ACBD6: variants seen among roughly 807,000 people sequenced by gnomAD.
ACBD6 encodes acyl-CoA binding domain containing 6.
Under a neutral mutation model 37.2 loss-of-function variants are expected in ACBD6, and 28 were observed. The ratio of observed to expected loss-of-function variants is 0.75; its 90% CI spans 0.56 to 1.03. The LOEUF (loss-of-function observed/expected upper bound fraction) is 1.03. ACBD6 is among the 50% of genes least tolerant of loss of function. ACBD6 has a pLI of 0.00. For missense variants in ACBD6, 340 were observed against 337.4 expected, an observed-to-expected ratio of 1.01 and a Z score of -0.06; for synonymous variants, 113 against 126.8, an observed-to-expected ratio of 0.89 and a Z score of 0.73.
intron 1 of ACBD6, 140 bp downstream of exon 1, chr1:180,501,905 C>CAAAAAAAAA (rs5779061): frequency 4.9e-6 from 3 of 612,166 alleles, no homozygotes; most frequent in Non-Finnish European, 8.4e-6. Context: ...AGCAGATGGT[C>CAAAAAAAAA]AAAAAAAAAA....
chr1:180,488,289 A>G (rs1057160945), intron 3 of ACBD6, among the ~76,000 whole-genome samples: 3 of 152,186 alleles, frequency 2.0e-5, no homozygotes, highest in African/African-American at 7.2e-5. Flanking sequence ...TAATTGCCTT[A>G]ATTATAGTAG....
At chr1:180,476,962 G>A (rs987901759) in intron 3 of ACBD6, among the ~76,000 whole-genome samples, 1 of 152,104 alleles carries the variant, frequency 6.6e-6, no homozygotes, top group Non-Finnish European at 1.5e-5. Context: ...CCCCTCTGAA[G>A]CTAACCAAAA....
At chr1:180,321,748 C>T (rs547899833) in intron 6 of ACBD6, among the ~76,000 whole-genome samples, 1 of 152,198 alleles carries the variant, frequency 6.6e-6, no homozygotes, top group African/African-American at 2.4e-5. Flanking sequence ...TTTATCAGTT[C>T]TAATTGTTTT....
rs546953102 is a variant in ACBD6 at position 180,337,454 on chromosome 1, C to T, written c.664-22732G>A. Among the ~76,000 whole-genome samples the T allele has an allele frequency of 6.4e-3, 978 of 152,198 alleles. 8 individuals are homozygous for T. Among genetic ancestry groups the T allele is most frequent in the African/African-American group, 0.019 (790 of 41,510 alleles). ...AAAGGCCTTTGACAAAATTCAACAA[C>T]GCTTCATGCTAAAAACTCTCAATAA... is the stretch of plus-strand genomic sequence containing the variant. On this transcript the variant is annotated intron_variant, in intron 6 of 7. Coordinates refer to ENST00000367595, the MANE Select transcript of ACBD6 (RefSeq NM_032360.4).
At chr1:180,314,849 G>A (rs1017277909) in intron 6 of ACBD6, 127 bp from the exon 7 acceptor site, 2 of 707,882 alleles carry the variant, frequency 2.8e-6, no homozygotes, top group Admixed American at 2.3e-5. Context: ...AGGAAAAGAA[G>A]TCAGTTAACT....
chr1:180,324,266 GTTAT>G (rs1470576188), intron 6 of ACBD6, among the ~76,000 whole-genome samples: 1 of 151,948 alleles, frequency 6.6e-6, no homozygotes, highest in Non-Finnish European at 1.5e-5. Context: ...CTGCCATTCT[GTTAT>G]TTGTTTTCTG....
chr1:180,284,253 TGAA>T (rs1649400594), downstream of ACBD6, among the ~76,000 whole-genome samples: 12 of 152,138 alleles, frequency 7.9e-5, no homozygotes, highest in Admixed American at 7.2e-4. Context: ...ATCTCTCTGG[TGAA>T]GAAATTGTGA....
chr1:180,285,281 G>A (rs1184012896), downstream of ACBD6, among the ~76,000 whole-genome samples: 1 of 152,124 alleles, frequency 6.6e-6, no homozygotes, highest in Non-Finnish European at 1.5e-5. Context: ...GTTTATAAAA[G>A]CCATCCAATT....
chr1:180,271,773 C>T, exon 14 of ACBD6: 1 of 1,585,024 alleles, frequency 6.3e-7, no homozygotes, highest in South Asian at 1.1e-5. Flanking sequence ...CCTAGGGGGT[C>T]CTGGGGGCTT....
At chr1:180,437,054 T>C (rs1649067416) in intron 3 of ACBD6, among the ~76,000 whole-genome samples, 1 of 152,228 alleles carries the variant, frequency 6.6e-6, no homozygotes, top group Non-Finnish European at 1.5e-5. Context: ...CTCAAGACCT[T>C]CTGAGGCTGT....
chr1:180,378,339 T>G (rs1176626046), intron 6 of ACBD6, among the ~76,000 whole-genome samples: 2 of 152,144 alleles, frequency 1.3e-5, no homozygotes, highest in Admixed American at 1.3e-4. Flanking sequence ...ACTAAGGAAC[T>G]GAATAACTAA....
intron 6 of ACBD6, among the ~76,000 whole-genome samples, chr1:180,366,807 T>C (rs1180254856): frequency 6.6e-6 from 1 of 152,190 alleles, no homozygotes; most frequent in Non-Finnish European, 1.5e-5. Flanking sequence ...ATAGAAGATA[T>C]GAGGAACTTA....
At chr1:180,473,219 G>A (rs1007202523) in intron 3 of ACBD6, among the ~76,000 whole-genome samples, 8 of 152,126 alleles carry the variant, frequency 5.3e-5, no homozygotes, top group East Asian at 3.9e-4. Context: ...AGGCCGAGGC[G>A]GGCGGATCAC....
At chr1:180,456,226 A>G (rs1571535242) in intron 3 of ACBD6, among the ~76,000 whole-genome samples, 1 of 152,002 alleles carries the variant, frequency 6.6e-6, no homozygotes, top group Non-Finnish European at 1.5e-5. Context: ...AAAAAAAAAA[A>G]AAGTGACTTA....
At chr1:180,363,719 C>T (rs548771299) in intron 6 of ACBD6, among the ~76,000 whole-genome samples, 14 of 149,494 alleles carry the variant, frequency 9.4e-5, no homozygotes, top group East Asian at 5.8e-4. Context: ...GGAGCAGGAG[C>T]GGGAGCATGC....
chr1:180,479,043 A>C (rs1175155215), intron 3 of ACBD6, among the ~76,000 whole-genome samples: 4 of 152,150 alleles, frequency 2.6e-5, no homozygotes, highest in African/African-American at 9.7e-5. Flanking sequence ...CAAGGTGGGA[A>C]GATCACTTGA....
chr1:180,481,317 A>G (rs1297010394), intron 3 of ACBD6, among the ~76,000 whole-genome samples: 1 of 152,186 alleles, frequency 6.6e-6, no homozygotes, highest in Non-Finnish European at 1.5e-5. Context: ...TCAGGGCTAA[A>G]AAATAAATTT....
At chr1:180,329,235 A>G (rs1651377822) in intron 6 of ACBD6, among the ~76,000 whole-genome samples, 1 of 152,236 alleles carries the variant, frequency 6.6e-6, no homozygotes, top group Non-Finnish European at 1.5e-5. Flanking sequence ...ACACTATAAA[A>G]GATGCCTTTA....
chr1:180,368,717 C>CAT (rs35113782), intron 6 of ACBD6, among the ~76,000 whole-genome samples: 29,114 of 148,350 alleles, frequency 0.2, 3,269 homozygotes, highest in East Asian at 0.38. Context: ...ATTATTTTTT[C>CAT]ATATATATAT....
Sources: gnomAD v4.1 joint callset for allele counts (sites outside exome capture counted in the v4.1 genomes callset) on GRCh38, gnomAD v4.1.1 for gene constraint, MANE v1.5 for transcripts, NCBI Gene and HGNC (gene_info 2026-07-23, HGNC 2026-07-21) for gene names.